The following SLC25A18 variants were observed in gnomAD, a reference collection of about 807,000 sequenced individuals.
The protein encoded by SLC25A18 is solute carrier family 25 member 18, also known as mitochondrial glutamate carrier 2.
Under a neutral mutation model 31.1 loss-of-function variants are expected in SLC25A18, and 24 were observed. The ratio of observed to expected loss-of-function variants is 0.77; its 90% CI spans 0.56 to 1.08. The LOEUF (loss-of-function observed/expected upper bound fraction) is 1.08. Ranked by LOEUF, SLC25A18 falls within the 50% of genes least tolerant of loss-of-function variation. The pLI is 0.00. For synonymous variants in SLC25A18, 173 were observed against 161.9 expected, an observed-to-expected ratio of 1.07 and a Z score of -0.52; for missense variants, 371 against 418.5, an observed-to-expected ratio of 0.89 and a Z score of 0.99.
chr22:17,577,644 G>A (rs587773319), intron 2 of SLC25A18, among the ~76,000 whole-genome samples: 3 of 142,372 alleles, frequency 2.1e-5, no homozygotes, highest in African/African-American at 7.9e-5. Flanking sequence ...GCAGTGGTGC[G>A]ATCTCGGCTC....
At chr22:17,586,781 T>C (rs1451200533) in intron 7 of SLC25A18, among the ~76,000 whole-genome samples, 2 of 152,072 alleles carry the variant, frequency 1.3e-5, no homozygotes, top group African/African-American at 4.8e-5. Context: ...AAAAATGACC[T>C]ACATAGGCTG....
Position 17,590,131 on chromosome 22 carries a change from G to C in SLC25A18, c.843G>C (p.Met281Ile), listed in dbSNP as rs1601359848. ...LWIQEGPSAF[M>I]KGAGCRALVI... ...TTCAGGAGGGACCATCTGCCTTCAT[G>C]AAAGGCGCTGGCTGCCGGGCACTGG... The change falls in exon 11 of 11, where the codon ATG (methionine) becomes ATC (isoleucine). Residue 281 changes from methionine (M) to isoleucine (I), a missense_variant. Physicochemically the swap from Met to Ile is conservative, Grantham distance 10. Transcript: ENST00000327451. The C allele has an allele frequency of 3.7e-6, 6 of 1,614,248 alleles. No individual in the cohort carries two copies. The African/African-American group carries it at 8.0e-5, about 22-fold the overall frequency.
intron 2 of SLC25A18, among the ~76,000 whole-genome samples, chr22:17,575,154 C>T (rs1235148394): frequency 6.6e-6 from 1 of 152,102 alleles, no homozygotes; most frequent in African/African-American, 2.4e-5. Flanking sequence ...GCCCCGTGCT[C>T]TCTTATTCTT....
At chr22:17,565,181 C>T (rs1015623649) in intron 1 of SLC25A18, among the ~76,000 whole-genome samples, 9 of 152,016 alleles carry the variant, frequency 5.9e-5, no homozygotes, top group South Asian at 2.1e-4. Flanking sequence ...CCCGGGTTCA[C>T]GCCATTCTCC....
intron 2 of SLC25A18, among the ~76,000 whole-genome samples, chr22:17,572,697 A>G (rs1457299644): frequency 9.1e-5 from 11 of 120,618 alleles, no homozygotes; most frequent in African/African-American, 3.0e-4. Context: ...GCTGGAGTGC[A>G]GTGGCGCGAT....
chr22:17,569,006 TCTTTA>T (rs775860167), intron 1 of SLC25A18, among the ~76,000 whole-genome samples: 27 of 151,724 alleles, frequency 1.8e-4, no homozygotes, highest in Non-Finnish European at 1.3e-4. Context: ...AGGAACCTCT[TCTTTA>T]CTTTTTTTTT....
chr22:17,581,235 G>A, intron 4 of SLC25A18, 76 bp downstream of exon 4: 1 of 1,570,696 alleles, frequency 6.4e-7, no homozygotes, highest in Non-Finnish European at 8.6e-7. Flanking sequence ...CCAGTCTCCA[G>A]GCAGCGCGCG....
chr22:17,571,233 A>T (rs1182241413), intron 2 of SLC25A18, among the ~76,000 whole-genome samples: 2 of 152,114 alleles, frequency 1.3e-5, no homozygotes, highest in Non-Finnish European at 2.9e-5. Flanking sequence ...CAAGGAGCTG[A>T]GTTAGGAGCC....
At chr22:17,583,281 G>T in intron 6 of SLC25A18, 135 bp from the exon 7 acceptor site, 1 of 1,060,758 alleles carries the variant, frequency 9.4e-7, no homozygotes, top group East Asian at 2.4e-5. Flanking sequence ...CTAAGGGCTA[G>T]CTGATGACTT....
chr22:17,584,021 AT>A (rs2057453146), intron 7 of SLC25A18: 1 of 978,112 alleles, frequency 1.0e-6, no homozygotes, highest in African/African-American at 1.7e-5. Context: ...AGAAATGAGA[AT>A]GTTGATTCAG....
At chr22:17,579,505 G>C (rs2057317010) in intron 2 of SLC25A18, among the ~76,000 whole-genome samples, 1 of 152,052 alleles carries the variant, frequency 6.6e-6, no homozygotes, top group African/African-American at 2.4e-5. Context: ...CCATGCCTCT[G>C]TCCAAAATGC....
chr22:17,584,104 G>T, intron 7 of SLC25A18: 1 of 984,648 alleles, frequency 1.0e-6, no homozygotes, highest in Non-Finnish European at 1.2e-6. Flanking sequence ...AAGATTTTAA[G>T]AAATGCCAGC....
At chr22:17,573,980 G>C (rs574900262) in intron 2 of SLC25A18, among the ~76,000 whole-genome samples, 3 of 152,126 alleles carry the variant, frequency 2.0e-5, no homozygotes, top group African/African-American at 7.2e-5. Context: ...CTGTAATCCC[G>C]ACACTTCGGG....
intron 4 of SLC25A18, 25 bp from the exon 5 acceptor site, chr22:17,581,332 AC>A: frequency 6.2e-7 from 1 of 1,613,162 alleles, no homozygotes; most frequent in Non-Finnish European, 8.5e-7. Flanking sequence ...CTGCACACTT[AC>A]TCCTACTCTG....
chr22:17,565,972 C>T (rs1168395138), intron 1 of SLC25A18, among the ~76,000 whole-genome samples: 3 of 152,110 alleles, frequency 2.0e-5, no homozygotes, highest in Non-Finnish European at 2.9e-5. Context: ...GGATTACAGG[C>T]GTGAGCCACC....
rs377735900 is a variant in SLC25A18, at chr22:17,583,008, G to A, written c.290+355G>A. Among the ~76,000 whole-genome samples the A allele has an allele frequency of 5.4e-4, 82 of 152,166 alleles. 1 individual carries two copies. The highest frequency in any genetic ancestry group is 5.0e-3 in the East Asian group (26 of 5,158). Reference sequence around the variant, plus strand: ...GAGGATCGCTTGGGCCCAGGCGGTCGAGGTTGCAGTGAGCCATGTTGGCTC... The same window carrying A: ...GAGGATCGCTTGGGCCCAGGCGGTCAAGGTTGCAGTGAGCCATGTTGGCTC... On this transcript the variant is annotated intron_variant, in intron 6 of 10. Transcript: ENST00000327451.
chr22:17,587,027 C>A, intron 7 of SLC25A18, 109 bp from the exon 8 acceptor site: 2 of 1,250,522 alleles, frequency 1.6e-6, no homozygotes, highest in South Asian at 2.9e-5. Context: ...GCTGAGGTGT[C>A]AGCCTGGCCT....
intron 7 of SLC25A18, among the ~76,000 whole-genome samples, chr22:17,586,780 C>T (rs543058318): frequency 6.6e-6 from 1 of 152,234 alleles, no homozygotes; most frequent in East Asian, 1.9e-4. Flanking sequence ...TAAAAATGAC[C>T]TACATAGGCT....
At chr22:17,584,920 G>T (rs1166906662) in intron 7 of SLC25A18, among the ~76,000 whole-genome samples, 1 of 149,526 alleles carries the variant, frequency 6.7e-6, no homozygotes, top group Non-Finnish European at 1.5e-5. Context: ...CCATTCTTTT[G>T]TTTTTTTCTT....
Sources: gnomAD v4.1 joint callset for allele counts (sites outside exome capture counted in the v4.1 genomes callset) on GRCh38, gnomAD v4.1.1 for gene constraint, MANE v1.5 for transcripts, NCBI Gene and HGNC (gene_info 2026-07-23, HGNC 2026-07-21) for gene names.